LAMA2: variants seen among roughly 807,000 people sequenced by gnomAD.
LAMA2 encodes the protein laminin subunit alpha-2.
A neutral mutation model predicts 364.8 loss-of-function variants in LAMA2; 269 were observed. The observed-to-expected ratio is 0.74, with a 90% CI of 0.67 to 0.82. The LOEUF (loss-of-function observed/expected upper bound fraction) is 0.82, where lower values mean the gene tolerates loss of function less well. Ranked by LOEUF, LAMA2 falls within the 40% of genes least tolerant of loss-of-function variation. LAMA2 has a pLI of 0.00. For synonymous variants in LAMA2, 1,379 were observed against 1,370.6 expected (o/e 1.01, Z -0.14); for missense variants, 3,807 against 3,873.2 (o/e 0.98, Z 0.45).
rs188998711 is a variant in LAMA2, at chr6:128,962,267, G to A, written c.112+78910G>A. Among the ~76,000 whole-genome samples the A allele has an allele frequency of 1.5e-3, 218 of 149,570 alleles. 1 individual carries two copies. Among genetic ancestry groups the A allele is most frequent in the Middle Eastern group, 6.9e-3 (2 of 290 alleles). Reference sequence around the variant, plus strand: ...TTGTAGGTTATAATAGCATTTAAGTGTGTGTGTTCATGGTCAGGTTTAACC... The same window carrying A: ...TTGTAGGTTATAATAGCATTTAAGTATGTGTGTTCATGGTCAGGTTTAACC... On this transcript the variant is annotated intron_variant, in intron 1 of 64. Coordinates refer to ENST00000421865, the MANE Select transcript of LAMA2 (RefSeq NM_000426.4).
In LAMA2 at chr6:129,402,417, C is replaced by T. The variant is rs765916013; in HGVS notation, c.5656C>T (p.Leu1886Phe). The change falls in exon 39 of 65, where the codon CTT (leucine) becomes TTT (phenylalanine). Residue 1886 changes from leucine (L) to phenylalanine (F), a missense_variant. Physicochemically the swap from Leu to Phe is conservative, Grantham distance 22. This residue lies in a region of LAMA2 where 3,333 missense variants were observed against 3,345.7 expected (regional missense o/e 1.00). Transcript: ENST00000421865. ...CTCCCAAGAAATAAAGGACAGGAAG[C>T]TTGCTGAGAAGGTGTCCCAGGCTGA... ...DLSQEIKDRK[L>F]AEKVSQAESH... 2 of 1,614,066 alleles carry T rather than the reference C, an allele frequency of 1.2e-6. No individual in the cohort carries two copies. Among genetic ancestry groups the T allele is most frequent in the South Asian group, 1.1e-5 (1 of 91,072 alleles).
chr6:129,190,526 T>G (rs1781467127), intron 11 of LAMA2, among the ~76,000 whole-genome samples, 181 bp downstream of exon 11: 1 of 152,202 alleles, frequency 6.6e-6, no homozygotes, highest in Non-Finnish European at 1.5e-5. Context: ...GAGGTTGTAT[T>G]TGTAATATTG....
chr6:129,474,861 A>G (rs527856692), intron 52 of LAMA2, among the ~76,000 whole-genome samples: 2 of 152,296 alleles, frequency 1.3e-5, no homozygotes, highest in Admixed American at 6.5e-5. Flanking sequence ...TACTATTTCC[A>G]TGGTGTGGCA....
intron 12 of LAMA2, among the ~76,000 whole-genome samples, chr6:129,241,371 C>T (rs1785387453): frequency 6.6e-6 from 1 of 152,136 alleles, no homozygotes; most frequent in Non-Finnish European, 1.5e-5. Flanking sequence ...AAATAAACCA[C>T]TAGGTTTTTA....
intron 3 of LAMA2, among the ~76,000 whole-genome samples, chr6:129,076,132 T>C (rs1438383323): frequency 6.6e-6 from 1 of 151,578 alleles, no homozygotes; most frequent in African/African-American, 2.4e-5. Context: ...AAAGGGACAA[T>C]TGGATTTATG....
rs578137336 is a variant in LAMA2, at chr6:129,097,729, G to A, written c.397-444G>A. 3.9e-5 allele frequency among the ~76,000 whole-genome samples: 6 copies of A among 152,202 alleles called. No homozygotes were observed. The South Asian group carries it at 8.3e-4, about 21-fold the overall frequency. On this transcript the variant is annotated intron_variant, in intron 3 of 64. Coordinates refer to ENST00000421865, the MANE Select transcript of LAMA2 (RefSeq NM_000426.4). ...GTACCATACTAACTGCCTCTAAATG[G>A]CACTTTTTTGAGGATTATGTGATAT...
chr6:129,347,306 G>A (rs1214862693), intron 30 of LAMA2, among the ~76,000 whole-genome samples: 1 of 152,110 alleles, frequency 6.6e-6, no homozygotes, highest in East Asian at 1.9e-4. Flanking sequence ...GAAAGGTCTG[G>A]TGTATTTTTG....
At chr6:129,357,168 C>T (rs1348468897) in intron 32 of LAMA2, among the ~76,000 whole-genome samples, 2 of 151,904 alleles carry the variant, frequency 1.3e-5, no homozygotes, top group African/African-American at 2.4e-5. Flanking sequence ...TAAAAATGAA[C>T]AAAGAAGCCA....
intron 4 of LAMA2, among the ~76,000 whole-genome samples, chr6:129,099,137 T>TG (rs1227243506): frequency 7.7e-4 from 115 of 148,676 alleles, no homozygotes; most frequent in Non-Finnish European, 1.2e-3. Flanking sequence ...TTTTTTTTTT[T>TG]TTGTTTTCTG....
chr6:129,192,560 T>C, intron 11 of LAMA2, 120 bp from the exon 12 acceptor site: 3 of 847,652 alleles, frequency 3.5e-6, no homozygotes, highest in South Asian at 3.0e-5. Flanking sequence ...TTCTAAATGT[T>C]TGTGGTTTGG....
At chr6:128,962,218 G>A in intron 1 of LAMA2, among the ~76,000 whole-genome samples, 1 of 125,614 alleles carries the variant, frequency 8.0e-6, no homozygotes, top group Admixed American at 8.8e-5. Flanking sequence ...ACATATTTAT[G>A]ACTTAACTCT....
intron 8 of LAMA2, among the ~76,000 whole-genome samples, chr6:129,156,441 T>G (rs1779118514): frequency 6.6e-6 from 1 of 152,000 alleles, no homozygotes; most frequent in Admixed American, 6.6e-5. Context: ...AAAAAAAATT[T>G]TTAAATAATT....
At chr6:129,200,783 C>T (rs1782238151) in intron 12 of LAMA2, among the ~76,000 whole-genome samples, 1 of 151,980 alleles carries the variant, frequency 6.6e-6, no homozygotes, top group Admixed American at 6.6e-5. Context: ...TAGATGAATA[C>T]TTAACTTTTA....
chr6:129,394,067 CT>C (rs1351930299), intron 37 of LAMA2, among the ~76,000 whole-genome samples: 1 of 152,012 alleles, frequency 6.6e-6, no homozygotes, highest in Admixed American at 6.6e-5. Context: ...TTTCCAATTT[CT>C]TTCTTAATCT....
chr6:129,199,799 T>C (rs568196563), intron 12 of LAMA2, among the ~76,000 whole-genome samples: 4 of 151,980 alleles, frequency 2.6e-5, no homozygotes, highest in Admixed American at 1.3e-4. Context: ...AAATTATAGA[T>C]GGGGTGCGAT....
intron 1 of LAMA2, among the ~76,000 whole-genome samples, chr6:128,958,448 C>T (rs1004504021): frequency 1.3e-5 from 2 of 152,050 alleles, no homozygotes; most frequent in Non-Finnish European, 2.9e-5. Flanking sequence ...CTCATACAGT[C>T]GAAACCCTAC....
At chr6:129,497,584 T>C (rs1305552630) in intron 58 of LAMA2, among the ~76,000 whole-genome samples, 1 of 152,190 alleles carries the variant, frequency 6.6e-6, no homozygotes, top group Admixed American at 6.5e-5. Context: ...GACTTAAAAG[T>C]TAACTCCTGA....
At chr6:129,341,118 G>A (rs1446716861) in intron 29 of LAMA2, among the ~76,000 whole-genome samples, 1 of 152,192 alleles carries the variant, frequency 6.6e-6, no homozygotes, top group Non-Finnish European at 1.5e-5. Flanking sequence ...AATGACGTCA[G>A]CTATTGTTTG....
intron 14 of LAMA2, among the ~76,000 whole-genome samples, chr6:129,259,521 C>T (rs1174988648): frequency 6.6e-6 from 1 of 151,930 alleles, no homozygotes; most frequent in East Asian, 1.9e-4. Context: ...ATTATGTGCT[C>T]TTAGAGTTTA....
Sources: gnomAD v4.1 joint callset for allele counts (sites outside exome capture counted in the v4.1 genomes callset) on GRCh38, gnomAD v4.1.1 for gene constraint, gnomAD v4.1.1 regional missense constraint, MANE v1.5 for transcripts, NCBI Gene and HGNC (gene_info 2026-07-23, HGNC 2026-07-21) for gene names.